The following COQ10B variants were observed in gnomAD, a reference collection of about 807,000 sequenced individuals.
COQ10B encodes coenzyme Q-binding protein COQ10 homolog B, mitochondrial.
In COQ10B, 12 loss-of-function variants were observed where a neutral mutation model predicts 27.6. The observed-to-expected ratio is 0.43, with a 90% CI of 0.28 to 0.70. The LOEUF is 0.70. COQ10B is among the 30% of genes least tolerant of loss of function. COQ10B has a pLI of 0.17. For synonymous variants in COQ10B, 115 were observed against 103.0 expected (o/e 1.12, Z -0.71); for missense variants, 278 against 288.7 (o/e 0.96, Z 0.27).
Position 197,473,439 on chromosome 2 carries a change from T to TAC in COQ10B, c.550-317_550-316insCA, listed in dbSNP as rs1210596015. Among the ~76,000 whole-genome samples the TAC allele has an allele frequency of 7.0e-5, 7 of 99,924 alleles. 1 individual carries two copies. The highest frequency in any genetic ancestry group is 2.9e-4 in the African/African-American group (7 of 24,340). 65.6% of individuals were successfully genotyped at this position (99,924 alleles called of 152,430 possible). On this transcript the variant is annotated intron_variant, in intron 4 of 4. Transcript: ENST00000263960. Reference sequence around the variant, plus strand: ...AAATATATATATATATATATATATATATACACATATATACATATATATATA... The same window carrying TAC: ...AAATATATATATATATATATATATATACATACACATATATACATATATATATA...
intron 3 of COQ10B, among the ~76,000 whole-genome samples, chr2:197,463,964 A>AATATAT (rs879356506): frequency 2.1e-4 from 6 of 28,184 alleles, no homozygotes; most frequent in South Asian, 1.5e-3. Context: ...AAAAAAAAAA[A>AATATAT]ATATATATAT....
intron 4 of COQ10B, among the ~76,000 whole-genome samples, chr2:197,472,154 A>G (rs1404575758): frequency 6.6e-6 from 1 of 151,912 alleles, no homozygotes; most frequent in Admixed American, 6.6e-5. Context: ...TTTTACAAAA[A>G]TGAAATTATT....
chr2:197,469,162 G>A (rs745953842), intron 3 of COQ10B, among the ~76,000 whole-genome samples: 41 of 152,066 alleles, frequency 2.7e-4, no homozygotes, highest in Admixed American at 5.2e-4. Context: ...AGCCTCCTGG[G>A]TACTTGGGAC....
intron 1 of COQ10B, among the ~76,000 whole-genome samples, chr2:197,454,533 A>G (rs2085675518): frequency 6.6e-6 from 1 of 152,094 alleles, no homozygotes; most frequent in Non-Finnish European, 1.5e-5. Context: ...AACACCAACA[A>G]CCTTACCAAA....
chr2:197,467,997 T>C (rs965782091), intron 3 of COQ10B, among the ~76,000 whole-genome samples: 1 of 152,208 alleles, frequency 6.6e-6, no homozygotes, highest in African/African-American at 2.4e-5. Context: ...TAGTAGGTCA[T>C]CATTATGACA....
In COQ10B at chr2:197,475,008, A is replaced by G. The variant is rs1324337449; in HGVS notation, c.*1084A>G. 1 of 152,226 alleles carries G rather than the reference A, an allele frequency of 6.6e-6. No individual in the cohort carries two copies. Among genetic ancestry groups the G allele is most frequent in the Non-Finnish European group, 1.5e-5 (1 of 68,002 alleles). 9.4% of individuals were successfully genotyped at this position (152,226 alleles called of 1,614,324 possible). ...CCAGCACTATGCATCCCTATTTTCT[A>G]TTTATTGTGTACACTCACTTTCAGT... On this transcript the variant is annotated 3_prime_UTR_variant, in exon 5 of 5. Transcript: ENST00000263960.
intron 4 of COQ10B, 62 bp downstream of exon 4, chr2:197,470,233 AT>A: frequency 1.1e-6 from 1 of 915,268 alleles, no homozygotes. Flanking sequence ...AAAAGTAATC[AT>A]TTTTTAGAAC....
intron 3 of COQ10B, among the ~76,000 whole-genome samples, chr2:197,465,909 C>T (rs981150790): frequency 1.1e-4 from 16 of 151,998 alleles, no homozygotes; most frequent in Non-Finnish European, 2.1e-4. Context: ...CTGGCCAACA[C>T]GGTGAAACCC....
At chr2:197,466,503 C>G (rs1299646081) in intron 3 of COQ10B, among the ~76,000 whole-genome samples, 1 of 152,070 alleles carries the variant, frequency 6.6e-6, no homozygotes, top group Non-Finnish European at 1.5e-5. Flanking sequence ...GGGAAGGAGC[C>G]CCTGTCTTTT....
intron 1 of COQ10B, 141 bp from the exon 2 acceptor site, chr2:197,459,791 G>T: frequency 4.1e-6 from 2 of 491,930 alleles, no homozygotes; most frequent in East Asian, 3.5e-5. Context: ...CTTTTTCTGT[G>T]CCCGTGTGTG....
In COQ10B at chr2:197,459,995, T is replaced by G. The variant is rs1484128555; in HGVS notation, c.168T>G (p.Pro56=). The change falls in exon 2 of 5, where the codon CCT becomes CCG. Residue 56 remains proline, a synonymous_variant. Transcript: ENST00000263960. Reference sequence around the variant, plus strand: ...TTCCACTACATACCTCAATTTTGCCTAAGGAGATATGTGCACGAACTTTCT... The same window carrying G: ...TTCCACTACATACCTCAATTTTGCCGAAGGAGATATGTGCACGAACTTTCT... ...RTLPLHTSIL[P]KEICARTFFK... is the part of the protein sequence containing the mutation. 1 of 1,611,018 alleles carries G rather than the reference T, an allele frequency of 6.2e-7. No homozygotes were observed. Among genetic ancestry groups the G allele is most frequent in the Non-Finnish European group, 8.5e-7 (1 of 1,177,514 alleles).
intron 4 of COQ10B, among the ~76,000 whole-genome samples, chr2:197,473,237 C>A (rs2085897230): frequency 6.6e-6 from 1 of 151,170 alleles, no homozygotes; most frequent in South Asian, 2.1e-4. Context: ...CACCACTGTC[C>A]TAAGTGGAGA....
intron 3 of COQ10B, among the ~76,000 whole-genome samples, chr2:197,464,618 G>C (rs958950900): frequency 2.0e-5 from 3 of 151,934 alleles, no homozygotes; most frequent in African/African-American, 2.4e-5. Flanking sequence ...ACTTTCTGTC[G>C]TAATAGCTAA....
chr2:197,461,627 CAGAGAGAGAGAGAGAGAGAGAG>C (rs66918493), intron 2 of COQ10B, among the ~76,000 whole-genome samples: 10 of 129,418 alleles, frequency 7.7e-5, no homozygotes, highest in Admixed American at 1.6e-4. Flanking sequence ...TACAGGGTCT[CAGAGAGAGAGAGAGAGAGAGAG>C]AGAGAGAGAG....
intron 2 of COQ10B, among the ~76,000 whole-genome samples, chr2:197,461,418 T>C (rs2085756233): frequency 6.6e-6 from 1 of 152,176 alleles, no homozygotes; most frequent in African/African-American, 2.4e-5. Flanking sequence ...AAATGAGGAC[T>C]GGGAATTGTT....
chr2:197,473,547 G>A (rs1347206291), intron 4 of COQ10B, among the ~76,000 whole-genome samples: 2 of 143,846 alleles, frequency 1.4e-5, no homozygotes, highest in African/African-American at 5.3e-5. Context: ...TTAGCCACAT[G>A]TGGTGGCATA....
chr2:197,453,613 G>C lies in COQ10B; in HGVS notation c.53G>C (p.Arg18Pro), dbSNP rs750466506. ...TTGAGAAGGGTAGTCTCGGGATGCC[G>C]TCCGAAGTCGGCGACAGCGGCCGGG... ...TALRRVVSGC[R>P]PKSATAAGAQ... The change falls in exon 1 of 5, where the codon CGT becomes CCT. Residue 18 changes from arginine to proline, a missense_variant. Physicochemically the swap from Arg to Pro is moderately radical, Grantham distance 103. Around this residue, in one of 3 missense-constraint regions of COQ10B, gnomAD observed 183 missense variants for 158.2 expected, o/e 1.16. Transcript: ENST00000263960. 8 of 1,613,908 alleles carry C rather than the reference G, an allele frequency of 5.0e-6. No individual in the cohort carries two copies. The highest frequency in any genetic ancestry group is 6.8e-6 in the Non-Finnish European group (8 of 1,180,002).
intron 4 of COQ10B, among the ~76,000 whole-genome samples, chr2:197,471,979 A>C (rs865838851): frequency 6.6e-6 from 1 of 151,676 alleles, no homozygotes; most frequent in Non-Finnish European, 1.5e-5. Flanking sequence ...AAATTTGAAT[A>C]AGGTCTATAT....
At chr2:197,466,946 A>AT (rs761370832) in intron 3 of COQ10B, among the ~76,000 whole-genome samples, 6,547 of 138,908 alleles carry the variant, frequency 0.047, 445 homozygotes, top group African/African-American at 0.16. Flanking sequence ...CAGTTTCCAG[A>AT]TTTTTTTTTT....
Sources: gnomAD v4.1 joint callset for allele counts (sites outside exome capture counted in the v4.1 genomes callset) on GRCh38, gnomAD v4.1.1 for gene constraint, gnomAD v4.1.1 regional missense constraint, MANE v1.5 for transcripts, NCBI Gene and HGNC (gene_info 2026-07-23, HGNC 2026-07-21) for gene names.